Variants in LLGL2 observed in about 807,000 individuals in gnomAD.
LLGL2 encodes the protein LLGL2, scribble cell polarity complex component.
A neutral mutation model predicts 123.2 loss-of-function variants in LLGL2; 81 were observed. That is an observed-to-expected ratio of 0.66 (90% CI 0.55 to 0.79). The LOEUF is 0.79. Among genes scored for constraint, LLGL2 ranks in the 30% least tolerant of loss-of-function variants. The pLI is 0.00. For missense variants in LLGL2, 1,273 were observed against 1,414.6 expected, an observed-to-expected ratio of 0.90 and a Z score of 1.61; for synonymous variants, 577 against 594.1, an observed-to-expected ratio of 0.97 and a Z score of 0.42.
intron 20 of LLGL2, 39 bp downstream of exon 20, chr17:75,573,317 C>T: frequency 6.4e-7 from 1 of 1,574,092 alleles, no homozygotes; most frequent in Non-Finnish European, 8.7e-7. Flanking sequence ...GGGCCCCGGG[C>T]ACTGCACGGA....
intron 6 of LLGL2, chr17:75,562,714 A>G (rs1330663653): frequency 5.4e-6 from 2 of 368,728 alleles, no homozygotes; most frequent in Non-Finnish European, 5.1e-6. Flanking sequence ...GGTTATAGCC[A>G]TGTGCCACCA....
chr17:75,542,665 A>G (rs910413928), intron 1 of LLGL2: 2 of 152,266 alleles, frequency 1.3e-5, no homozygotes, highest in African/African-American at 4.8e-5. Flanking sequence ...GCCCGTGGGA[A>G]AGAGAACCTT....
At chr17:75,557,990 G>A (rs1207193894) in intron 3 of LLGL2, 165 bp from the exon 4 acceptor site, 1 of 758,008 alleles carries the variant, frequency 1.3e-6, no homozygotes. Context: ...CAGGGCTGCT[G>A]TGTCTCCTCC....
chr17:75,536,651 T>C (rs1303765609), intron 1 of LLGL2, among the ~76,000 whole-genome samples: 1 of 152,112 alleles, frequency 6.6e-6, no homozygotes, highest in Admixed American at 6.5e-5. Context: ...TTGATCCTCT[T>C]ATCCACCCTG....
intron 1 of LLGL2, among the ~76,000 whole-genome samples, 176 bp downstream of exon 1, chr17:75,526,001 A>T (rs2053552465): frequency 6.6e-6 from 1 of 152,070 alleles, no homozygotes; most frequent in Non-Finnish European, 1.5e-5. Flanking sequence ...GAAGAGAGAC[A>T]CCTGTAGAAA....
At position 75,558,351 on chromosome 17, in the gene LLGL2, T is replaced by C; in HGVS notation, c.255+115T>C. On this transcript the variant is annotated intron_variant, in intron 4 of 25. Transcript: ENST00000392550. This position sits in a 1 kb window ranked among gnomAD's most constrained non-coding sequence, Gnocchi z 4.0. ...TCGGTGGCCCTGGGTTTGCTGCTGA[T>C]GGAAAGACCTGGGACCCCCTCCCTT... is the stretch of plus-strand genomic sequence containing the variant. 8.4e-7 allele frequency: 1 copy of C among 1,191,852 alleles called. No homozygotes were observed. The highest frequency in any genetic ancestry group is 1.2e-6 in the Non-Finnish European group (1 of 844,006). 73.8% of individuals were successfully genotyped at this position (1,191,852 alleles called of 1,614,324 possible).
Position 75,575,095 on chromosome 17 carries a change from A to G in LLGL2, c.*217A>G. 4 of 624,236 alleles carry G rather than the reference A, an allele frequency of 6.4e-6. No individual in the cohort carries two copies. The highest frequency in any genetic ancestry group is 4.0e-4 in the Middle Eastern group (1 of 2,524). 38.7% of individuals were successfully genotyped at this position (624,236 alleles called of 1,614,324 possible). ...CTCGTCTGTCTGGGTCCTTTGGTCA[A>G]TGTTGCACAGTTTTTATTGCTCCCA... On this transcript the variant is annotated 3_prime_UTR_variant, in exon 26 of 26. Transcript: ENST00000392550.
Position 75,549,179 on chromosome 17 carries a change from C to T in LLGL2, c.75+5678C>T, listed in dbSNP as rs1423339108. ...TGCTATATATGGTGGGCCGTCAAGC[C>T]TATTGGAGGGATGGACAGACAGACA... On this transcript the variant is annotated intron_variant, in intron 2 of 25. Coordinates refer to ENST00000392550, the MANE Select transcript of LLGL2 (RefSeq NM_001031803.2). This position sits in a 1 kb window ranked among gnomAD's most constrained non-coding sequence, Gnocchi z 4.0. 1.3e-5 allele frequency among the ~76,000 whole-genome samples: 2 copies of T among 151,944 alleles called. No individual in the cohort carries two copies. Among genetic ancestry groups the T allele is most frequent in the Non-Finnish European group, 1.5e-5 (1 of 68,024 alleles).
At chr17:75,527,239 T>A (rs1283913408) in intron 1 of LLGL2, among the ~76,000 whole-genome samples, 6 of 151,686 alleles carry the variant, frequency 4.0e-5, no homozygotes, top group Non-Finnish European at 5.9e-5. Context: ...CAAGGAGAAC[T>A]GTGCGAGAGA....
rs1296832459 is a variant in LLGL2 at position 75,563,036 on chromosome 17, A to G, written c.551A>G (p.His184Arg). ...CCCAGGTTGCCAGAGGAGGCCCGCC[A>G]CCGGCGTGTGTTCGAGATGGTGGAG... ...VLQRLPEEAR[H>R]RRVFEMVEAL... is the part of the protein sequence containing the mutation. Residue 184 changes from histidine to arginine, a missense_variant, in exon 7 of 26, where the codon CAC becomes CGC. Physicochemically the swap from His to Arg is conservative, Grantham distance 29. Coordinates refer to ENST00000392550, the MANE Select transcript of LLGL2 (RefSeq NM_001031803.2). 2.5e-6 allele frequency: 4 copies of G among 1,612,472 alleles called. No homozygotes were observed. The Admixed American group carries it at 6.7e-5, about 27-fold the overall frequency.
At chr17:75,528,052 G>C (rs1385730911) in intron 1 of LLGL2, among the ~76,000 whole-genome samples, 1 of 151,932 alleles carries the variant, frequency 6.6e-6, no homozygotes, top group South Asian at 2.1e-4. Context: ...CAAAGTGTTA[G>C]GATTACAGGC....
chr17:75,539,441 ATG>A (rs1346263113), intron 1 of LLGL2, among the ~76,000 whole-genome samples: 1 of 145,312 alleles, frequency 6.9e-6, no homozygotes, highest in Non-Finnish European at 1.5e-5. Context: ...GGGTCTCACT[ATG>A]TTGCCCAGGC....
At chr17:75,536,533 G>A (rs1219736865) in intron 1 of LLGL2, among the ~76,000 whole-genome samples, 1 of 152,208 alleles carries the variant, frequency 6.6e-6, no homozygotes, top group Non-Finnish European at 1.5e-5. Flanking sequence ...AGGTTGCGGT[G>A]GCTGGAGAGG....
intron 17 of LLGL2, 37 bp downstream of exon 17, chr17:75,571,137 G>T: frequency 4.6e-6 from 7 of 1,521,348 alleles, no homozygotes; most frequent in Non-Finnish European, 6.3e-6. Context: ...GCAGGGGGTA[G>T]TGGGCAGCAG....
At position 75,564,572 on chromosome 17, in the gene LLGL2, T is replaced by C; in HGVS notation, c.1036+65T>C. 1 of 1,597,216 alleles carries C rather than the reference T, an allele frequency of 6.3e-7. No homozygotes were observed. The highest frequency in any genetic ancestry group is 8.6e-7 in the Non-Finnish European group (1 of 1,168,526). On this transcript the variant is annotated intron_variant, in intron 10 of 25. Transcript: ENST00000392550. The surrounding 1 kb of genome is among the most constrained non-coding windows in gnomAD (Gnocchi z 4.9). ...GGGAGGCATGGGGCAGGACCATCAGTAAAGACAGGGCCAGGTGCAGTGGCT... is the reference window on the plus strand; with the variant it reads ...GGGAGGCATGGGGCAGGACCATCAGCAAAGACAGGGCCAGGTGCAGTGGCT...
At chr17:75,563,239 A>G (rs997904581) in intron 7 of LLGL2, 61 bp downstream of exon 7, 4 of 1,609,092 alleles carry the variant, frequency 2.5e-6, no homozygotes, top group African/African-American at 1.3e-5. Context: ...CAAGTGGCAC[A>G]TACACACTGT....
chr17:75,574,676 C>T lies in LLGL2; in HGVS notation c.3055+8C>T. ...GCCTCAGCAATGGCGGAGGTGGGGG[C>T]TCTGGGCTTGAGTGCAGCTGCCAAC... On this transcript the variant is annotated splice_region_variant and intron_variant, in intron 25 of 25. Coordinates refer to ENST00000392550, the MANE Select transcript of LLGL2 (RefSeq NM_001031803.2). The T allele has an allele frequency of 1.2e-6, 2 of 1,609,738 alleles. No individual in the cohort carries two copies. The highest frequency in any genetic ancestry group is 1.1e-5 in the South Asian group (1 of 90,954).
chr17:75,546,479 T>C (rs2054430241), intron 2 of LLGL2, among the ~76,000 whole-genome samples: 1 of 152,186 alleles, frequency 6.6e-6, no homozygotes, highest in Non-Finnish European at 1.5e-5. Context: ...GGCTGGCGGC[T>C]GCAGTGTCCG....
At position 75,569,337 on chromosome 17, in the gene LLGL2, GGCTGGGGAGGGGGA is replaced by G. The variant is rs771407934; in HGVS notation, c.1581+23_1581+36del. 2.4e-5 allele frequency: 39 copies of G among 1,604,006 alleles called. No homozygotes were observed. The highest frequency in any genetic ancestry group is 1.9e-4 in the African/African-American group (14 of 74,752). On this transcript the variant is annotated intron_variant, in intron 14 of 25. Transcript: ENST00000392550. Reference sequence around the variant, plus strand: ...GCACGGCAGGGCAGGTAGCAGGCTGGGCTGGGGAGGGGGAGCTGGGGAGGAGTGGTCGATGACTG... The same window carrying G: ...GCACGGCAGGGCAGGTAGCAGGCTGGGCTGGGGAGGAGTGGTCGATGACTG...
Sources: gnomAD v4.1 joint callset for allele counts (sites outside exome capture counted in the v4.1 genomes callset) on GRCh38, gnomAD v4.1.1 for gene constraint, Gnocchi (gnomAD v3.1) non-coding constraint, MANE v1.5 for transcripts, NCBI Gene and HGNC (gene_info 2026-07-23, HGNC 2026-07-21) for gene names.